TBX1: variants seen among roughly 807,000 people sequenced by gnomAD.
TBX1 encodes the protein T-box transcription factor TBX1.
In TBX1, 16 loss-of-function variants were observed where a neutral mutation model predicts 40.8. The ratio of observed to expected loss-of-function variants is 0.39; its 90% CI spans 0.27 to 0.60. The LOEUF (loss-of-function observed/expected upper bound fraction) is 0.60, where lower values mean the gene tolerates loss of function less well. Ranked by LOEUF, TBX1 falls within the 20% of genes least tolerant of loss-of-function variation. The pLI, the probability that TBX1 is intolerant of heterozygous loss-of-function variation, is 0.51. For synonymous variants in TBX1, 403 were observed against 336.8 expected, an observed-to-expected ratio of 1.20 and a Z score of -2.15; for missense variants, 755 against 728.5, an observed-to-expected ratio of 1.04 and a Z score of -0.42.
upstream of TBX1, among the ~76,000 whole-genome samples, chr22:19,758,277 C>G (rs1343699196): frequency 6.6e-6 from 1 of 152,196 alleles, no homozygotes; most frequent in Non-Finnish European, 1.5e-5. Flanking sequence ...GCCTTGCAAA[C>G]AGTGGCCCTG....
At chr22:19,759,602 G>C (rs1218646474), upstream of TBX1, 3 of 1,609,092 alleles carry the variant, frequency 1.9e-6, no homozygotes, top group Non-Finnish European at 2.5e-6. Flanking sequence ...AGGGTCCTCC[G>C]ACCGGGTGAA....
chr22:19,766,033 G>A, intron 6 of TBX1, 31 bp downstream of exon 6: 1 of 1,466,444 alleles, frequency 6.8e-7, no homozygotes, highest in Non-Finnish European at 9.0e-7. Context: ...TCCGGGTTCC[G>A]GCCCTGTGCG....
downstream of TBX1, among the ~76,000 whole-genome samples, chr22:19,782,366 C>A (rs1430871929): frequency 6.6e-6 from 1 of 152,098 alleles, no homozygotes; most frequent in South Asian, 2.1e-4. Context: ...AGTCTTTCAC[C>A]TCCCTAGTTA....
Position 19,766,383 on chromosome 22 carries a change from C to T in TBX1, c.1037-6C>T, listed in dbSNP as rs1936844254. On this transcript the variant is annotated splice_polypyrimidine_tract_variant and splice_region_variant and intron_variant, in intron 6 of 6. Transcript: ENST00000649276. ...GGCCGCGCTCACTCCTCGGCCCTCT[C>T]CGCAGACGCGGCTGAGGCCCGGCGA... is the stretch of plus-strand genomic sequence containing the variant. The T allele has an allele frequency of 6.8e-6, 9 of 1,327,746 alleles. No homozygotes were observed. The highest frequency in any genetic ancestry group is 8.7e-6 in the Non-Finnish European group (9 of 1,038,758). The allele number at this position is 1,327,746 out of a possible 1,614,324, so 82.2% of individuals were successfully genotyped here.
chr22:19,758,680 C>A (rs1418380128), upstream of TBX1, among the ~76,000 whole-genome samples: 1 of 152,140 alleles, frequency 6.6e-6, no homozygotes, highest in Non-Finnish European at 1.5e-5. Flanking sequence ...CCGGCCCTCC[C>A]TGCGCCCGGC....
chr22:19,779,230 C>G (rs1170197700), exon 9 of TBX1: 2 of 1,614,058 alleles, frequency 1.2e-6, no homozygotes, highest in Admixed American at 1.7e-5. Context: ...GTGGACATGT[C>G]CTGAAGGACA....
At position 19,767,241 on chromosome 22, in the gene TBX1, C is replaced by T; in HGVS notation, c.*374C>T. 9.5e-7 allele frequency: 1 copy of T among 1,058,108 alleles called. No individual in the cohort carries two copies. 65.5% of individuals were successfully genotyped at this position (1,058,108 alleles called of 1,614,324 possible). ...TTGCAGTGTAGACAGCCCGAGAGCC[C>T]CGCCTGCAGGCGGTGTAGATACATG... On this transcript the variant is annotated 3_prime_UTR_variant, in exon 7 of 7. Transcript: ENST00000649276.
chr22:19,770,253 G>A (rs550387868), downstream of TBX1, among the ~76,000 whole-genome samples: 4 of 152,172 alleles, frequency 2.6e-5, no homozygotes, highest in Admixed American at 6.5e-5. Context: ...GATGCACAAC[G>A]CAGGAAATAG....
rs1403232100 is a variant in TBX1, at chr22:19,763,345, G to A, written c.539+3G>A. 2.5e-6 allele frequency: 4 copies of A among 1,613,914 alleles called. No individual in the cohort carries two copies. The highest frequency in any genetic ancestry group is 1.1e-5 in the South Asian group (1 of 91,078). ...CCGGTGGACGATAAGCGCTACCGGT[G>A]AGCGAGTGGTTGTAAGCGTGAGGGA... is the stretch of plus-strand genomic sequence containing the variant. On this transcript the variant is annotated splice_donor_region_variant and intron_variant, in intron 2 of 6. Transcript: ENST00000649276.
In TBX1 at chr22:19,765,663, G is replaced by T. The variant is rs72646961; in HGVS notation, c.868-95G>T. 1.7e-5 allele frequency: 24 copies of T among 1,379,890 alleles called. No homozygotes were observed. The Middle Eastern group carries it at 6.3e-4, about 36-fold the overall frequency. 85.5% of individuals were successfully genotyped at this position (1,379,890 alleles called of 1,614,324 possible). On this transcript the variant is annotated intron_variant, in intron 4 of 6. Coordinates refer to ENST00000649276, the MANE Select transcript of TBX1 (RefSeq NM_001379200.1). ...TTGTCAGGGCAGCAGAAAGGCCCTT[G>T]GTGCGCTTCTCCTAACACTCCCCTA... is the stretch of plus-strand genomic sequence containing the variant.
At chr22:19,768,467 T>G, downstream of TBX1, among the ~76,000 whole-genome samples, 1 of 152,208 alleles carries the variant, frequency 6.6e-6, no homozygotes, top group Non-Finnish European at 1.5e-5. Flanking sequence ...TCAAAGGGCA[T>G]CTAGCACCAG....
At chr22:19,765,716 C>A in intron 4 of TBX1, 42 bp from the exon 5 acceptor site, 1 of 1,608,788 alleles carries the variant, frequency 6.2e-7, no homozygotes, top group South Asian at 1.1e-5. Context: ...GTGGCCCAGG[C>A]TGCAGGGCTC....
rs1294894854 is a variant in TBX1, at chr22:19,764,321, G to A, written c.706G>A (p.Gly236Ser). 2.5e-6 allele frequency: 4 copies of A among 1,611,668 alleles called. No individual in the cohort carries two copies. The highest frequency in any genetic ancestry group is 2.5e-6 in the Non-Finnish European group (3 of 1,179,886). The change falls in exon 3 of 7, where the codon GGC becomes AGC. Residue 236 changes from glycine (G) to serine (S), a missense_variant. Around this residue, in one of 3 missense-constraint regions of TBX1, gnomAD observed 144 missense variants for 238.0 expected, o/e 0.61. Transcript: ENST00000649276. ...GACCAACAACCTACTGGACGACAAC[G>A]GCCACGTGAGCGACTGCCTCCCCAG... is the stretch of plus-strand genomic sequence containing the variant. ...KLTNNLLDDN[G>S]HIILNSMHRY... is the part of the protein sequence containing the mutation.
At chr22:19,772,254 C>T (rs559137876), downstream of TBX1, among the ~76,000 whole-genome samples, 4 of 152,274 alleles carry the variant, frequency 2.6e-5, no homozygotes, top group South Asian at 6.2e-4. Context: ...AGATGTCCGC[C>T]ACCACGCCCG....
At chr22:19,758,846 G>A (rs1361416491), upstream of TBX1, among the ~76,000 whole-genome samples, 1 of 152,238 alleles carries the variant, frequency 6.6e-6, no homozygotes, top group African/African-American at 2.4e-5. Flanking sequence ...CTCCAGCGAC[G>A]ATAGTGAGCC....
At chr22:19,761,563 G>A in intron 1 of TBX1, among the ~76,000 whole-genome samples, 1 of 151,790 alleles carries the variant, frequency 6.6e-6, no homozygotes, top group Admixed American at 6.6e-5. Context: ...TCGCCCGCCC[G>A]CCCCGCAGCC....
intron 8 of TBX1, among the ~76,000 whole-genome samples, chr22:19,775,728 C>T (rs1210114509): frequency 1.3e-5 from 2 of 152,162 alleles, no homozygotes; most frequent in Non-Finnish European, 2.9e-5. Context: ...TGGTGGGGCC[C>T]CGAATATTCT....
At chr22:19,760,722 G>T (rs1232251970), upstream of TBX1, among the ~76,000 whole-genome samples, 1 of 136,032 alleles carries the variant, frequency 7.4e-6, no homozygotes, top group African/African-American at 2.7e-5. Flanking sequence ...CCTCCTCGGG[G>T]CCGGCCTGCG....
chr22:19,757,162 GGCCAACAGA>G (rs1569014731), upstream of TBX1, among the ~76,000 whole-genome samples: 1 of 152,164 alleles, frequency 6.6e-6, no homozygotes, highest in Non-Finnish European at 1.5e-5. Flanking sequence ...GGGTAGGGTC[GGCCAACAGA>G]GCCGGCTGGG....
Sources: allele counts gnomAD v4.1 joint callset (sites outside exome capture counted in the v4.1 genomes callset), GRCh38; gene constraint gnomAD v4.1.1; regional missense constraint gnomAD v4.1.1; transcripts MANE v1.5; gene names NCBI Gene and HGNC (gene_info 2026-07-23, HGNC 2026-07-21).